TRIP11: variants seen among roughly 807,000 people sequenced by gnomAD.
The protein encoded by TRIP11 is thyroid hormone receptor interactor 11.
In TRIP11, 148 loss-of-function variants were observed where a neutral mutation model predicts 223.1. The observed-to-expected ratio is 0.66, with a 90% CI of 0.58 to 0.76. The LOEUF is 0.76. TRIP11 is among the 30% of genes least tolerant of loss of function. The pLI is 0.00. For synonymous variants in TRIP11, 762 were observed against 772.6 expected (o/e 0.99, Z 0.23); for missense variants, 2,043 against 2,222.0 (o/e 0.92, Z 1.62).
At chr14:91,972,182 T>G (rs570472638) in intron 20 of TRIP11, among the ~76,000 whole-genome samples, 1 of 152,320 alleles carries the variant, frequency 6.6e-6, no homozygotes, top group Middle Eastern at 3.4e-3. Flanking sequence ...AGGCAGATCT[T>G]TCAACATAAA....
At chr14:92,009,191 A>T (rs1021212780) in intron 9 of TRIP11, among the ~76,000 whole-genome samples, 3 of 152,144 alleles carry the variant, frequency 2.0e-5, no homozygotes, top group South Asian at 2.1e-4. Flanking sequence ...GGTACTTTTT[A>T]AAAAAATTAT....
At chr14:91,979,842 C>T (rs982684950) in intron 16 of TRIP11, among the ~76,000 whole-genome samples, 22 of 152,090 alleles carry the variant, frequency 1.4e-4, no homozygotes, top group African/African-American at 4.3e-4. Flanking sequence ...AAAAACTGAA[C>T]CCTAATTCAA....
Position 92,004,339 on chromosome 14 carries a change from T to G in TRIP11, c.3637A>C (p.Lys1213Gln). ...QFEELLQERD[K>Q]LKQQVKKMEE... Reference sequence around the variant, plus strand: ...ATTTTCTTTACTTGCTGTTTTAACTTGTCACGTTCCTGTAGAAGCTCCTCA... The same window carrying G: ...ATTTTCTTTACTTGCTGTTTTAACTGGTCACGTTCCTGTAGAAGCTCCTCA... The change falls in exon 11 of 21, where the codon AAG becomes CAG. Residue 1213 changes from lysine to glutamine, a missense_variant. Transcript: ENST00000267622. 6.2e-7 allele frequency: 1 copy of G among 1,614,148 alleles called. No individual in the cohort carries two copies. Among genetic ancestry groups the G allele is most frequent in the South Asian group, 1.1e-5 (1 of 91,080 alleles).
chr14:92,021,507 C>T, intron 4 of TRIP11, 49 bp downstream of exon 4: 5 of 1,591,460 alleles, frequency 3.1e-6, no homozygotes, highest in Non-Finnish European at 4.3e-6. Context: ...TATATTACAC[C>T]AGTAATTTTA....
chr14:92,005,585 T>G lies in TRIP11; in HGVS notation c.2391A>C (p.Ser797=). The G allele has an allele frequency of 6.2e-7, 1 of 1,613,428 alleles. No homozygotes were observed. Among genetic ancestry groups the G allele is most frequent in the South Asian group, 1.1e-5 (1 of 90,848 alleles). The change falls in exon 11 of 21, where the codon TCA becomes TCC. Residue 797 remains serine (S), a synonymous_variant. Transcript: ENST00000267622. ...ACTGCTTCTGCTCTTCTAAACTAGA[T>G]GACAAAACGTCCTTAGTTTCTTTAT... ...TDHKETKDVL[S]SSLEEQKQLT... is the part of the protein sequence containing the mutation.
intron 16 of TRIP11, 58 bp from the exon 17 acceptor site, chr14:91,976,247 C>T: frequency 7.0e-7 from 1 of 1,418,788 alleles, no homozygotes; most frequent in Admixed American, 1.7e-5. Flanking sequence ...GTCTGGATGA[C>T]TATATAATGA....
chr14:91,989,244 T>C (rs1384720767), intron 15 of TRIP11, among the ~76,000 whole-genome samples: 1 of 152,164 alleles, frequency 6.6e-6, no homozygotes, highest in Admixed American at 6.5e-5. Context: ...TATCCCCAGA[T>C]AATCAGCACC....
At position 91,974,735 on chromosome 14, in the gene TRIP11, A is replaced by G. The variant is rs200266043; in HGVS notation, c.5466T>C (p.His1822=). The change falls in exon 19 of 21, where the codon CAT becomes CAC. Residue 1822 remains histidine (H), a synonymous_variant. Coordinates refer to ENST00000267622, the MANE Select transcript of TRIP11 (RefSeq NM_004239.4). ...VRREEMEQLF[H]DDQGGVTRWM... ...ACCTGGTAACACCGCCCTGATCGTCATGAAACAACTGAAAGATTATTTTAA... is the reference window on the plus strand; with the variant it reads ...ACCTGGTAACACCGCCCTGATCGTCGTGAAACAACTGAAAGATTATTTTAA... The G allele has an allele frequency of 6.2e-7, 1 of 1,611,646 alleles. No homozygotes were observed. The highest frequency in any genetic ancestry group is 2.2e-5 in the East Asian group (1 of 44,824).
Position 91,993,847 on chromosome 14 carries a change from T to C in TRIP11, c.5122A>G (p.Asn1708Asp). 1 of 1,613,910 alleles carries C rather than the reference T, an allele frequency of 6.2e-7. No individual in the cohort carries two copies. Residue 1708 changes from asparagine to aspartate, a missense_variant, in exon 15 of 21, where the codon AAC becomes GAC. Coordinates refer to ENST00000267622, the MANE Select transcript of TRIP11 (RefSeq NM_004239.4). Reference sequence around the variant, plus strand: ...ACTTTTCCTTCCAGATTTTCTGCGTTTTTCTTCCATTCAGCTATAAGCTGT... The same window carrying C: ...ACTTTTCCTTCCAGATTTTCTGCGTCTTTCTTCCATTCAGCTATAAGCTGT... ...QKQLIAEWKK[N>D]AENLEGKVIS...
chr14:91,969,915 T>C (rs2056380886), intron 20 of TRIP11, 22 bp from the exon 21 acceptor site: 1 of 1,602,660 alleles, frequency 6.2e-7, no homozygotes, highest in Non-Finnish European at 8.5e-7. Context: ...AATATGGATT[T>C]AGTCTCCTAT....
Position 92,006,420 on chromosome 14 carries a change from G to T in TRIP11, c.1556C>A (p.Ser519Ter). Residue 519 changes from serine to a stop codon, truncating the protein, a stop_gained, in exon 11 of 21, where the codon TCA (serine) becomes TAA (stop). Transcript: ENST00000267622. LOFTEE classifies it high-confidence loss of function. Reference protein sequence around the residue: ...KHMILIKDQLSKQQNEGDSII... With the variant: ...KHMILIKDQL ...GCTATCTCCTTCATTTTGTTGTTTT[G>T]ATAGCTGATCTTTTATCAAAATCAT... 1 of 1,612,312 alleles carries T rather than the reference G, an allele frequency of 6.2e-7. No individual in the cohort carries two copies. The highest frequency in any genetic ancestry group is 1.1e-5 in the South Asian group (1 of 90,972).
chr14:91,982,356 T>C (rs1041453439), intron 16 of TRIP11, among the ~76,000 whole-genome samples: 4 of 152,168 alleles, frequency 2.6e-5, no homozygotes, highest in African/African-American at 9.7e-5. Context: ...AGAATATATA[T>C]TTAATTTTAA....
intron 9 of TRIP11, among the ~76,000 whole-genome samples, chr14:92,008,885 T>C (rs933474750): frequency 2.6e-5 from 4 of 151,892 alleles, no homozygotes; most frequent in Non-Finnish European, 4.4e-5. Flanking sequence ...CTCTAAAAAA[T>C]AAAATTAAAA....
At chr14:91,982,928 A>C (rs1328081689) in intron 16 of TRIP11, among the ~76,000 whole-genome samples, 2 of 152,192 alleles carry the variant, frequency 1.3e-5, no homozygotes, top group African/African-American at 4.8e-5. Context: ...CAACACATGC[A>C]TGTGCACACA....
chr14:91,976,976 C>T (rs1244509154), intron 16 of TRIP11: 1 of 222,072 alleles, frequency 4.5e-6, no homozygotes, highest in East Asian at 1.3e-4. Context: ...AGAGTTTACA[C>T]CTGTTCTGTT....
intron 6 of TRIP11, 75 bp downstream of exon 6, chr14:92,015,621 G>A: frequency 1.5e-6 from 2 of 1,297,670 alleles, no homozygotes; most frequent in Non-Finnish European, 2.1e-6. Flanking sequence ...TCGCGCCAGT[G>A]CACTCCAGCC....
At chr14:92,022,833 T>A (rs992321810) in intron 3 of TRIP11, among the ~76,000 whole-genome samples, 1 of 152,174 alleles carries the variant, frequency 6.6e-6, no homozygotes, top group Non-Finnish European at 1.5e-5. Flanking sequence ...AAGTTTTTCA[T>A]ATTGGAGCCC....
intron 2 of TRIP11, chr14:92,026,650 A>G: frequency 8.8e-7 from 1 of 1,138,294 alleles, no homozygotes; most frequent in South Asian, 1.2e-5. Context: ...AGAGGCGGAA[A>G]ATGGAAGAGA....
chr14:92,036,211 C>G (rs2057323811), intron 1 of TRIP11, among the ~76,000 whole-genome samples: 1 of 152,164 alleles, frequency 6.6e-6, no homozygotes, highest in South Asian at 2.1e-4. Context: ...TTTTACAAGT[C>G]CATGCAAACT....
Sources: gnomAD v4.1 joint callset for allele counts (sites outside exome capture counted in the v4.1 genomes callset) on GRCh38, gnomAD v4.1.1 for gene constraint, MANE v1.5 for transcripts, NCBI Gene and HGNC (gene_info 2026-07-23, HGNC 2026-07-21) for gene names.